GRIK2: variants seen among roughly 807,000 people sequenced by gnomAD.
GRIK2 encodes glutamate receptor ionotropic, kainate 2.
In GRIK2, 32 loss-of-function variants were observed where a neutral mutation model predicts 100.3. The ratio of observed to expected loss-of-function variants is 0.32; its 90% CI spans 0.24 to 0.43. GRIK2 has a LOEUF of 0.43. Among genes scored for constraint, GRIK2 ranks in the 20% least tolerant of loss-of-function variants. GRIK2 has a pLI of 1.00. For synonymous variants in GRIK2, 417 were observed against 389.4 expected (o/e 1.07, Z -0.83); for missense variants, 843 against 1,114.9 (o/e 0.76, Z 3.47).
At chr6:101,723,071 GTAGT>G (rs1375992802) in intron 7 of GRIK2, among the ~76,000 whole-genome samples, 4 of 152,036 alleles carry the variant, frequency 2.6e-5, no homozygotes, top group Admixed American at 2.0e-4. Flanking sequence ...GAAAGAATGA[GTAGT>G]TAGAGTCCAT....
chr6:101,885,669 A>G (rs753914070), intron 11 of GRIK2, among the ~76,000 whole-genome samples: 2 of 152,160 alleles, frequency 1.3e-5, no homozygotes, highest in African/African-American at 2.4e-5. Flanking sequence ...CAGGGCTGCA[A>G]ACACAGCAAA....
chr6:101,929,003 AT>A (rs1172380309), intron 14 of GRIK2, among the ~76,000 whole-genome samples: 6 of 152,186 alleles, frequency 3.9e-5, no homozygotes, highest in Non-Finnish European at 7.3e-5. Context: ...GAATAGAATA[AT>A]TACTCGGAAA....
At chr6:101,611,646 A>G (rs150404298) in intron 2 of GRIK2, among the ~76,000 whole-genome samples, 365 of 151,886 alleles carry the variant, frequency 2.4e-3, no homozygotes, top group Middle Eastern at 0.02. Flanking sequence ...CTGTTGTTTC[A>G]TGGCTCAAAT....
chr6:101,585,602 C>T (rs1046001535), intron 2 of GRIK2, among the ~76,000 whole-genome samples: 2 of 152,004 alleles, frequency 1.3e-5, no homozygotes, highest in Non-Finnish European at 2.9e-5. Context: ...AGAACACATG[C>T]AATTGATGTT....
intron 11 of GRIK2, among the ~76,000 whole-genome samples, chr6:101,884,076 G>A (rs988505541): frequency 6.6e-6 from 1 of 152,128 alleles, no homozygotes; most frequent in Non-Finnish European, 1.5e-5. Flanking sequence ...GGTAGTGGCA[G>A]AGATGGTGTG....
At chr6:101,782,268 T>TA (rs1779143751) in intron 7 of GRIK2, among the ~76,000 whole-genome samples, 1 of 152,224 alleles carries the variant, frequency 6.6e-6, no homozygotes, top group African/African-American at 2.4e-5. Context: ...CTAGTTACCC[T>TA]ACTCTGCTAT....
chr6:102,046,863 G>A (rs142644904), intron 15 of GRIK2, among the ~76,000 whole-genome samples: 1 of 152,044 alleles, frequency 6.6e-6, no homozygotes, highest in South Asian at 2.1e-4. Flanking sequence ...GTATAGTATT[G>A]TTTCTGACCA....
chr6:101,452,768 A>G (rs977603800), intron 2 of GRIK2, among the ~76,000 whole-genome samples: 3 of 151,814 alleles, frequency 2.0e-5, no homozygotes, highest in East Asian at 1.9e-4. Flanking sequence ...AAAAAACCCA[A>G]CAACGACAGT....
At chr6:101,549,492 A>T (rs894127071) in intron 2 of GRIK2, among the ~76,000 whole-genome samples, 4 of 152,048 alleles carry the variant, frequency 2.6e-5, no homozygotes, top group Non-Finnish European at 5.9e-5. Flanking sequence ...CTCTGCTGGC[A>T]ATATATATAC....
intron 14 of GRIK2, among the ~76,000 whole-genome samples, chr6:102,031,573 G>A (rs945986547): frequency 1.3e-5 from 2 of 151,110 alleles, no homozygotes; most frequent in Non-Finnish European, 3.0e-5. Flanking sequence ...TGTCACCTAG[G>A]TAGTGAGCAT....
At chr6:101,874,253 C>A (rs1450685452) in intron 11 of GRIK2, among the ~76,000 whole-genome samples, 1 of 151,884 alleles carries the variant, frequency 6.6e-6, no homozygotes. Context: ...GTCTTTAATC[C>A]ATCGTGAATT....
intron 10 of GRIK2, among the ~76,000 whole-genome samples, chr6:101,849,824 T>G (rs1455172376): frequency 3.0e-5 from 3 of 100,978 alleles, no homozygotes; most frequent in Non-Finnish European, 6.2e-5. Flanking sequence ...TTTTTTTTTT[T>G]TTTTTTTTTT....
intron 2 of GRIK2, among the ~76,000 whole-genome samples, chr6:101,509,966 T>G (rs1762984490): frequency 6.6e-6 from 1 of 152,212 alleles, no homozygotes; most frequent in African/African-American, 2.4e-5. Context: ...AGTTTGATTT[T>G]TTGCTACTTG....
chr6:101,454,654 C>T (rs1770897464), intron 2 of GRIK2, among the ~76,000 whole-genome samples: 1 of 152,002 alleles, frequency 6.6e-6, no homozygotes, highest in Non-Finnish European at 1.5e-5. Flanking sequence ...TCAGTCCAAA[C>T]CATTAGCTTT....
chr6:102,060,289 T>A (rs1244889902), intron 16 of GRIK2, among the ~76,000 whole-genome samples: 1 of 150,800 alleles, frequency 6.6e-6, no homozygotes, highest in Non-Finnish European at 1.5e-5. Flanking sequence ...CTTCAGTGTT[T>A]AGAGGAATAA....
chr6:102,009,820 G>C (rs1364747485), intron 14 of GRIK2, among the ~76,000 whole-genome samples: 2 of 152,022 alleles, frequency 1.3e-5, no homozygotes, highest in Non-Finnish European at 2.9e-5. Context: ...ATTATTGTGT[G>C]TGAGATGCAT....
intron 10 of GRIK2, among the ~76,000 whole-genome samples, chr6:101,846,298 C>T (rs1249532242): frequency 6.6e-6 from 1 of 152,048 alleles, no homozygotes; most frequent in Non-Finnish European, 1.5e-5. Flanking sequence ...TTATCTTTTA[C>T]ATTTAGATCA....
At chr6:101,853,972 T>C (rs1175892812) in intron 10 of GRIK2, among the ~76,000 whole-genome samples, 1 of 152,118 alleles carries the variant, frequency 6.6e-6, no homozygotes, top group African/African-American at 2.4e-5. Context: ...TTTAGGGCAT[T>C]GAAACTATTT....
intron 7 of GRIK2, among the ~76,000 whole-genome samples, chr6:101,707,586 G>GTATATATATA (rs1482076939): frequency 5.3e-5 from 7 of 132,544 alleles, no homozygotes; most frequent in African/African-American, 2.2e-4. Flanking sequence ...ATGTGTGTGT[G>GTATATATATA]TGTGTGTGTA....
Sources: allele counts gnomAD v4.1 joint callset (sites outside exome capture counted in the v4.1 genomes callset), GRCh38; gene constraint gnomAD v4.1.1; transcripts MANE v1.5; gene names NCBI Gene and HGNC (gene_info 2026-07-23, HGNC 2026-07-21).